Variants in EPM2A observed in about 807,000 individuals in gnomAD.
The protein encoded by EPM2A is laforin.
In EPM2A, 21 loss-of-function variants were observed where a neutral mutation model predicts 26.5. That is an observed-to-expected ratio of 0.79 (90% CI 0.56 to 1.14). The LOEUF is 1.14. Ranked by LOEUF, EPM2A falls within the 50% of genes most tolerant of loss-of-function variation. The pLI, the probability that EPM2A is intolerant of heterozygous loss-of-function variation, is 0.00. For missense variants in EPM2A, 458 were observed against 440.8 expected (o/e 1.04, Z -0.35); for synonymous variants, 217 against 177.6 (o/e 1.22, Z -1.76).
chr6:145,526,432 G>C (rs763399993), intron 2 of EPM2A, among the ~76,000 whole-genome samples: 45 of 151,646 alleles, frequency 3.0e-4, no homozygotes, highest in Non-Finnish European at 5.3e-4. Context: ...TTTTTGGTTG[G>C]TAGATTTTTT....
chr6:145,664,265 C>A (rs1778973910), intron 2 of EPM2A, among the ~76,000 whole-genome samples: 1 of 87,352 alleles, frequency 1.1e-5, no homozygotes, highest in South Asian at 3.1e-4. Context: ...ATTCAGGAAA[C>A]CCATCTCACG....
chr6:145,388,690 G>A (rs1436357664), intron 4 of EPM2A, among the ~76,000 whole-genome samples: 3 of 152,124 alleles, frequency 2.0e-5, no homozygotes, highest in South Asian at 2.1e-4. Flanking sequence ...ACAGGCCCCA[G>A]TGTATGATGT....
intron 2 of EPM2A, among the ~76,000 whole-genome samples, chr6:145,582,133 G>T (rs1297599938): frequency 6.6e-6 from 1 of 151,976 alleles, no homozygotes. Flanking sequence ...GTTCTGGTTT[G>T]TTGTATCCTT....
intron 4 of EPM2A, among the ~76,000 whole-genome samples, chr6:145,385,119 A>G (rs1778241569): frequency 6.7e-6 from 1 of 148,266 alleles, no homozygotes; most frequent in South Asian, 2.2e-4. Flanking sequence ...TTTTTCTCTT[A>G]AAGAACTTTA....
intron 4 of EPM2A, among the ~76,000 whole-genome samples, chr6:145,406,798 A>G (rs1778575701): frequency 6.6e-6 from 1 of 152,180 alleles, no homozygotes; most frequent in Admixed American, 6.6e-5. Flanking sequence ...AACAACATCA[A>G]CATCACCTGG....
chr6:145,708,092 C>T (rs1215481627), intron 1 of EPM2A, among the ~76,000 whole-genome samples: 2 of 152,156 alleles, frequency 1.3e-5, no homozygotes, highest in Admixed American at 6.5e-5. Flanking sequence ...GGGCCCTGCC[C>T]TAGAGATCTG....
downstream of EPM2A, among the ~76,000 whole-genome samples, chr6:145,623,266 G>T (rs1775675622): frequency 6.6e-6 from 1 of 152,184 alleles, no homozygotes; most frequent in South Asian, 2.1e-4. Context: ...GTAATATGTA[G>T]GCCATTAATA....
intron 2 of EPM2A, among the ~76,000 whole-genome samples, chr6:145,521,860 G>A (rs1292087108): frequency 6.6e-6 from 1 of 152,152 alleles, no homozygotes; most frequent in Non-Finnish European, 1.5e-5. Flanking sequence ...TGACTAATGA[G>A]GTTTGTCAAA....
At chr6:145,718,881 A>G (rs1424878035) in intron 1 of EPM2A, among the ~76,000 whole-genome samples, 1 of 152,228 alleles carries the variant, frequency 6.6e-6, no homozygotes, top group Non-Finnish European at 1.5e-5. Context: ...AATGCTCATC[A>G]TCACTGGCCA....
chr6:145,678,783 T>A (rs564169553), intron 2 of EPM2A, among the ~76,000 whole-genome samples: 32 of 152,180 alleles, frequency 2.1e-4, no homozygotes, highest in African/African-American at 7.7e-4. Context: ...GAAATAGGAA[T>A]GCTTTTACAC....
At chr6:145,690,434 C>T (rs1170221294) in intron 1 of EPM2A, among the ~76,000 whole-genome samples, 5 of 149,574 alleles carry the variant, frequency 3.3e-5, no homozygotes, top group Non-Finnish European at 7.4e-5. Context: ...GGCGTGAACC[C>T]GGGAAGCGGA....
chr6:145,701,277 A>G (rs1198844190), intron 1 of EPM2A, among the ~76,000 whole-genome samples: 1 of 152,230 alleles, frequency 6.6e-6, no homozygotes, highest in Non-Finnish European at 1.5e-5. Flanking sequence ...ATATTAATAT[A>G]AGACTCTGTC....
intron 4 of EPM2A, among the ~76,000 whole-genome samples, chr6:145,455,741 G>A (rs1006553858): frequency 3.3e-5 from 5 of 152,230 alleles, no homozygotes; most frequent in Middle Eastern, 3.4e-3. Context: ...TGAATAATTC[G>A]TTGATAACAA....
intron 2 of EPM2A, among the ~76,000 whole-genome samples, chr6:145,574,463 G>A (rs1781001915): frequency 6.6e-6 from 1 of 152,146 alleles, no homozygotes; most frequent in Admixed American, 6.5e-5. Flanking sequence ...TTTTGTAGTT[G>A]AGTGACTGTG....
intron 4 of EPM2A, among the ~76,000 whole-genome samples, chr6:145,387,311 G>A (rs899398276): frequency 6.6e-6 from 1 of 152,104 alleles, no homozygotes; most frequent in Non-Finnish European, 1.5e-5. Flanking sequence ...TGAGGGTTCT[G>A]CATGCTAGGA....
At chr6:145,497,632 C>A (rs1779838205), downstream of EPM2A, among the ~76,000 whole-genome samples, 1 of 139,206 alleles carries the variant, frequency 7.2e-6, no homozygotes, top group African/African-American at 2.6e-5. Context: ...AGCCTGGAGA[C>A]CGGAACAGCT....
At chr6:145,706,666 G>A (rs762091006) in intron 1 of EPM2A, among the ~76,000 whole-genome samples, 13 of 152,274 alleles carry the variant, frequency 8.5e-5, no homozygotes, top group South Asian at 4.1e-4. Context: ...ATAATATGCC[G>A]CTGTACTCCC....
Position 145,626,281 on chromosome 6 carries a change from A to G in EPM2A, c.*1135T>C, listed in dbSNP as rs575609730. 3.0e-6 allele frequency: 3 copies of G among 987,462 alleles called. No individual in the cohort carries two copies. Among genetic ancestry groups the G allele is most frequent in the South Asian group, 9.3e-5 (2 of 21,432 alleles). The allele number at this position is 987,462 out of a possible 1,614,324, so 61.2% of individuals were successfully genotyped here. On this transcript the variant is annotated 3_prime_UTR_variant, in exon 4 of 4. Transcript: ENST00000367519. Reference sequence around the variant, plus strand: ...TAGAACCTAGGGTGATGAGCTGCATAGTCTGGAGGCACAGGAACTGCATAT... The same window carrying G: ...TAGAACCTAGGGTGATGAGCTGCATGGTCTGGAGGCACAGGAACTGCATAT...
At chr6:145,592,126 C>T (rs981109926) in intron 2 of EPM2A, among the ~76,000 whole-genome samples, 1 of 151,272 alleles carries the variant, frequency 6.6e-6, no homozygotes, top group South Asian at 2.1e-4. Context: ...TCGTCATTTA[C>T]ATTAGGTATA....
Sources: gnomAD v4.1 joint callset for allele counts (sites outside exome capture counted in the v4.1 genomes callset) on GRCh38, gnomAD v4.1.1 for gene constraint, MANE v1.5 for transcripts, NCBI Gene and HGNC (gene_info 2026-07-23, HGNC 2026-07-21) for gene names.